The following CSMD3 variants were observed in gnomAD, a reference collection of about 807,000 sequenced individuals.
CSMD3 encodes CUB and sushi domain-containing protein 3.
Under a neutral mutation model 435.2 loss-of-function variants are expected in CSMD3, and 177 were observed. That is an observed-to-expected ratio of 0.41 (90% CI 0.36 to 0.46). The LOEUF (loss-of-function observed/expected upper bound fraction) is 0.46. Among genes scored for constraint, CSMD3 ranks in the 20% least tolerant of loss-of-function variants. The pLI, the probability that CSMD3 is intolerant of heterozygous loss-of-function variation, is 0.34. For missense variants in CSMD3, 4,265 were observed against 4,504.6 expected (o/e 0.95, Z 1.52); for synonymous variants, 1,656 against 1,520.5 (o/e 1.09, Z -2.07).
intron 10 of CSMD3, among the ~76,000 whole-genome samples, chr8:112,903,928 C>G (rs2082179854): frequency 6.6e-6 from 1 of 151,274 alleles, no homozygotes; most frequent in Non-Finnish European, 1.5e-5. Flanking sequence ...CAAACAAAGA[C>G]CAGATTCAAT....
At chr8:113,413,643 A>G (rs761351094) in intron 1 of CSMD3, among the ~76,000 whole-genome samples, 1 of 152,230 alleles carries the variant, frequency 6.6e-6, no homozygotes, top group Non-Finnish European at 1.5e-5. Flanking sequence ...AAGAAGGCAA[A>G]GAGTAATGTG....
At chr8:113,174,345 T>C (rs2092315920) in intron 3 of CSMD3, among the ~76,000 whole-genome samples, 1 of 152,084 alleles carries the variant, frequency 6.6e-6, no homozygotes, top group Non-Finnish European at 1.5e-5. Context: ...ATACACATTT[T>C]TCATGGAAAC....
intron 28 of CSMD3, among the ~76,000 whole-genome samples, chr8:112,512,106 G>C (rs1414325935): frequency 6.6e-6 from 1 of 152,008 alleles, no homozygotes; most frequent in African/African-American, 2.4e-5. Flanking sequence ...CATCCATGAG[G>C]GTTAGAATCA....
intron 3 of CSMD3, among the ~76,000 whole-genome samples, chr8:113,194,807 GCTATAATCTTTCACAGTGGC>G (rs2092631932): frequency 1.3e-5 from 2 of 151,166 alleles, no homozygotes; most frequent in East Asian, 1.9e-4. Context: ...TCTTAATCCT[GCTATAATCTTTCACAGTGGC>G]CTATACCTAG....
chr8:112,260,446 G>A lies in CSMD3; in HGVS notation c.9862+3193C>T, dbSNP rs555779824. ...GAGCTCTATTATGTGTAGTAGAAAT[G>A]ATATACGTAAAGCAACTGAGACAAA... On this transcript the variant is annotated intron_variant, in intron 61 of 70. Coordinates refer to ENST00000297405, the MANE Select transcript of CSMD3 (RefSeq NM_198123.2). Among the ~76,000 whole-genome samples the A allele has an allele frequency of 1.2e-3, 177 of 152,214 alleles. 1 individual carries two copies. Among genetic ancestry groups the A allele is most frequent in the African/African-American group, 3.9e-3 (164 of 41,532 alleles).
chr8:113,247,362 G>T (rs1277567286), intron 3 of CSMD3, among the ~76,000 whole-genome samples: 1 of 152,092 alleles, frequency 6.6e-6, no homozygotes, highest in Non-Finnish European at 1.5e-5. Flanking sequence ...GGGCCTTTTT[G>T]ATGAGCTTCA....
intron 4 of CSMD3, among the ~76,000 whole-genome samples, chr8:113,149,134 A>G (rs2091747292): frequency 1.3e-5 from 2 of 151,824 alleles, no homozygotes; most frequent in South Asian, 2.1e-4. Flanking sequence ...TAGGAAAGAG[A>G]GGCAAAATTC....
At position 112,963,991 on chromosome 8, in the gene CSMD3, A is replaced by G. The variant is rs147342966; in HGVS notation, c.1343-9230T>C. The stretch of plus-strand genomic sequence containing the variant: ...TACAGGATTTTTATATAACCAGAGT[A>G]TATTTTCTTCTTGCAAATGATCCAG... On this transcript the variant is annotated intron_variant, in intron 7 of 70. Transcript: ENST00000297405. 1.4e-3 allele frequency among the ~76,000 whole-genome samples: 215 copies of G among 152,076 alleles called. 6 individuals carry two copies. In the East Asian group the frequency reaches 0.036, roughly 26 times the overall value.
In CSMD3 at chr8:112,241,733, G is replaced by T. The variant is rs1443649370; in HGVS notation, c.10455C>A (p.Ser3485Arg). 1 of 1,611,356 alleles carries T rather than the reference G, an allele frequency of 6.2e-7. No homozygotes were observed. The highest frequency in any genetic ancestry group is 2.2e-5 in the East Asian group (1 of 44,834). ...GACATTACTAACCACTTAGCTTTGGGCTGGGTGTTCCCAGTGCAGGTCTAG... is the reference window on the plus strand; with the variant it reads ...GACATTACTAACCACTTAGCTTTGGTCTGGGTGTTCCCAGTGCAGGTCTAG... ...KDPRPALGTP[S>R]PKLSVPDDVF... Residue 3485 changes from serine (S) to arginine (R), a missense_variant, in exon 66 of 71, where the codon AGC becomes AGA. Around this residue, in one of 3 missense-constraint regions of CSMD3, gnomAD observed 3,255 missense variants for 3,380.2 expected, o/e 0.96. Coordinates refer to ENST00000297405, the MANE Select transcript of CSMD3 (RefSeq NM_198123.2).
chr8:112,926,375 T>C (rs1275892466), intron 9 of CSMD3, among the ~76,000 whole-genome samples: 1 of 152,110 alleles, frequency 6.6e-6, no homozygotes, highest in Non-Finnish European at 1.5e-5. Flanking sequence ...AGAAGAGATG[T>C]CTGCCCTACC....
intron 5 of CSMD3, among the ~76,000 whole-genome samples, chr8:113,040,931 C>A (rs1227336218): frequency 6.6e-6 from 1 of 151,970 alleles, no homozygotes; most frequent in African/African-American, 2.4e-5. Context: ...GGGCCAGAAG[C>A]GGTGGCTCAC....
intron 5 of CSMD3, among the ~76,000 whole-genome samples, chr8:113,068,171 A>G (rs2088945503): frequency 6.6e-6 from 1 of 152,176 alleles, no homozygotes; most frequent in Non-Finnish European, 1.5e-5. Context: ...CATTTTTAGT[A>G]TAATAATCTT....
intron 5 of CSMD3, among the ~76,000 whole-genome samples, chr8:113,094,094 G>T (rs1178593407): frequency 1.3e-5 from 2 of 151,566 alleles, no homozygotes; most frequent in African/African-American, 2.4e-5. Flanking sequence ...TTATCTTCTG[G>T]GCCCAATGTA....
At chr8:113,424,277 A>G (rs901634965) in intron 1 of CSMD3, among the ~76,000 whole-genome samples, 1 of 151,654 alleles carries the variant, frequency 6.6e-6, no homozygotes, top group African/African-American at 2.4e-5. Flanking sequence ...AAATGACAGT[A>G]TTTTCCCCAT....
intron 4 of CSMD3, among the ~76,000 whole-genome samples, chr8:113,112,679 T>C (rs188445662): frequency 6.6e-6 from 1 of 152,048 alleles, no homozygotes; most frequent in East Asian, 1.9e-4. Context: ...AGAGTTCTCA[T>C]GTCCAAATGT....
chr8:112,254,218 G>C (rs778106380), intron 63 of CSMD3, 35 bp downstream of exon 63: 1 of 1,457,560 alleles, frequency 6.9e-7, no homozygotes, highest in East Asian at 2.3e-5. Context: ...TTCTGACCTA[G>C]TATGATGCTA....
intron 3 of CSMD3, among the ~76,000 whole-genome samples, chr8:113,260,171 G>A (rs978092527): frequency 6.6e-6 from 1 of 152,088 alleles, no homozygotes; most frequent in Non-Finnish European, 1.5e-5. Context: ...TCTCAGGTAT[G>A]TCCTTGTAAC....
chr8:112,447,091 G>A (rs1456918851), intron 32 of CSMD3, among the ~76,000 whole-genome samples: 1 of 152,008 alleles, frequency 6.6e-6, no homozygotes, highest in Non-Finnish European at 1.5e-5. Context: ...ATAAAATATA[G>A]TAGCAAATTT....
chr8:113,246,231 T>C (rs188680848), intron 3 of CSMD3, among the ~76,000 whole-genome samples: 50 of 152,160 alleles, frequency 3.3e-4, no homozygotes, highest in African/African-American at 1.1e-3. Flanking sequence ...CACTTTATTG[T>C]GTACCACAAG....
Sources: gnomAD v4.1 joint callset for allele counts (sites outside exome capture counted in the v4.1 genomes callset) on GRCh38, gnomAD v4.1.1 for gene constraint, gnomAD v4.1.1 regional missense constraint, MANE v1.5 for transcripts, NCBI Gene and HGNC (gene_info 2026-07-23, HGNC 2026-07-21) for gene names.